The following ST8SIA6 variants were observed in gnomAD, a reference collection of about 807,000 sequenced individuals.
ST8SIA6 encodes the protein ST8 alpha-N-acetyl-neuraminide alpha-2,8-sialyltransferase 6, also known as alpha-2,8-sialyltransferase 8F.
In ST8SIA6, 39 loss-of-function variants were observed where a neutral mutation model predicts 33.6. The ratio of observed to expected loss-of-function variants is 1.16; its 90% CI spans 0.90 to 1.52. The LOEUF (loss-of-function observed/expected upper bound fraction) is 1.52. ST8SIA6 is among the 40% of genes most tolerant of loss of function. The pLI is 0.00. For synonymous variants in ST8SIA6, 172 were observed against 167.2 expected (o/e 1.03, Z -0.22); for missense variants, 441 against 443.8 (o/e 0.99, Z 0.06).
rs1029841843 is a variant in ST8SIA6 at position 17,316,059 on chromosome 10, T to C, written c.*4819A>G. Among the ~76,000 whole-genome samples, 1 of 152,024 alleles carries C rather than the reference T, an allele frequency of 6.6e-6. No homozygotes were observed. The highest frequency in any genetic ancestry group is 1.5e-5 in the Non-Finnish European group (1 of 67,906). On this transcript the variant is annotated 3_prime_UTR_variant, in exon 8 of 8. Coordinates refer to ENST00000377602, the MANE Select transcript of ST8SIA6 (RefSeq NM_001004470.3). ...TCAGCTTCTATATTTATTTATGTAG[T>C]AGTAAGAATATCATATGTGAGTATA...
At chr10:17,333,715 ATATTTTTTT>A (rs1185729357) in intron 4 of ST8SIA6, among the ~76,000 whole-genome samples, 3 of 35,414 alleles carry the variant, frequency 8.5e-5, no homozygotes, top group African/African-American at 4.4e-4. Context: ...ATATATATAT[ATATTTTTTT>A]TTTTTTTTTT....
rs1215583729 is a variant in ST8SIA6, at chr10:17,331,551, C to T, written c.379G>A (p.Ala127Thr). The T allele has an allele frequency of 1.9e-6, 3 of 1,603,410 alleles. No homozygotes were observed. Among genetic ancestry groups the T allele is most frequent in the East Asian group, 2.2e-5 (1 of 44,568 alleles). The change falls in exon 5 of 8, where the codon GCC becomes ACC. Residue 127 changes from alanine to threonine, a missense_variant and splice_region_variant. Ala to Thr is a moderately conservative substitution (Grantham distance 58). Transcript: ENST00000377602. ...GCATCACAGCAGGAAGCAAGTTTGG[C>T]TCTGCAAAGGAAAAGGATGAAAAGG... ...RQAEEYANFRAKLASCCDAVQ... is the reference protein window; with the variant it reads ...RQAEEYANFRTKLASCCDAVQ...
At chr10:17,378,982 T>C (rs926694256) in intron 3 of ST8SIA6, among the ~76,000 whole-genome samples, 38 of 151,956 alleles carry the variant, frequency 2.5e-4, no homozygotes, top group Admixed American at 1.0e-3. Flanking sequence ...AAAAATTAGC[T>C]GGGCGTGGTG....
At chr10:17,360,493 G>A (rs943293756) in intron 3 of ST8SIA6, among the ~76,000 whole-genome samples, 17 of 142,822 alleles carry the variant, frequency 1.2e-4, no homozygotes, top group Admixed American at 7.5e-5. Context: ...AAGTCTTCTT[G>A]AAAGAAAATT....
chr10:17,363,323 T>G (rs1431204314), intron 3 of ST8SIA6, among the ~76,000 whole-genome samples: 1 of 152,084 alleles, frequency 6.6e-6, no homozygotes, highest in Non-Finnish European at 1.5e-5. Context: ...GTTAAACTAC[T>G]ACCCCCTTTT....
chr10:17,428,625 C>CCGGCTAGGTAGAAGAGGAGG, intron 2 of ST8SIA6, among the ~76,000 whole-genome samples: 1 of 151,940 alleles, frequency 6.6e-6, no homozygotes, highest in South Asian at 2.1e-4. Context: ...AGCTAAGCAG[C>CCGGCTAGGTAGAAGAGGAGG]CGGCTAGGTA....
chr10:17,359,433 T>A (rs1015320757), intron 4 of ST8SIA6, 81 bp downstream of exon 4: 27 of 1,155,168 alleles, frequency 2.3e-5, no homozygotes, highest in Non-Finnish European at 3.0e-5. Flanking sequence ...CTTCTCTTTT[T>A]AATAACATAT....
intron 4 of ST8SIA6, among the ~76,000 whole-genome samples, chr10:17,335,001 T>G: frequency 6.6e-6 from 1 of 152,246 alleles, no homozygotes; most frequent in African/African-American, 2.4e-5. Flanking sequence ...TATGTTTTAA[T>G]GTAAATCTAT....
intron 5 of ST8SIA6, among the ~76,000 whole-genome samples, chr10:17,330,801 C>T (rs1342040810): frequency 6.6e-6 from 1 of 152,090 alleles, no homozygotes; most frequent in Admixed American, 6.6e-5. Context: ...TGTGGGTTTG[C>T]ATTAAGGGTC....
At chr10:17,341,900 C>CAAAAAAAAAAA (rs71393004) in intron 4 of ST8SIA6, among the ~76,000 whole-genome samples, 5 of 73,156 alleles carry the variant, frequency 6.8e-5, no homozygotes, top group Admixed American at 2.0e-4. Context: ...GGCTCCATCT[C>CAAAAAAAAAAA]AAAAAAAAAA....
chr10:17,351,317 C>A (rs1480888837), intron 4 of ST8SIA6, among the ~76,000 whole-genome samples: 1 of 151,420 alleles, frequency 6.6e-6, no homozygotes, highest in Admixed American at 6.6e-5. Context: ...AGTGATGACA[C>A]CTTGGAAAAT....
rs185966032 is a variant in ST8SIA6, at chr10:17,316,515, T to G, written c.*4363A>C. On this transcript the variant is annotated 3_prime_UTR_variant, in exon 8 of 8. Transcript: ENST00000377602. The stretch of plus-strand genomic sequence containing the variant: ...GTGGATCAGAACAGGTCCTCTTGGC[T>G]GTATATGCAAAAGTGCAATTACTGG... 8.1e-4 allele frequency among the ~76,000 whole-genome samples: 124 copies of G among 152,244 alleles called. No homozygotes were observed. The highest frequency in any genetic ancestry group is 2.7e-3 in the African/African-American group (113 of 41,564).
chr10:17,401,793 G>A (rs1851051659), intron 2 of ST8SIA6, among the ~76,000 whole-genome samples: 1 of 152,128 alleles, frequency 6.6e-6, no homozygotes, highest in African/African-American at 2.4e-5. Context: ...AGATGGATTA[G>A]AGACTTCAAT....
intron 3 of ST8SIA6, among the ~76,000 whole-genome samples, chr10:17,388,809 T>C (rs904165762): frequency 4.6e-5 from 7 of 152,184 alleles, no homozygotes; most frequent in African/African-American, 1.4e-4. Context: ...AAATTGATAA[T>C]AGCGCTTTCC....
intron 4 of ST8SIA6, among the ~76,000 whole-genome samples, chr10:17,353,480 CATAA>C (rs1259355378): frequency 1.3e-5 from 2 of 152,056 alleles, no homozygotes; most frequent in Non-Finnish European, 2.9e-5. Flanking sequence ...CTTCAAAGAA[CATAA>C]ATAAAAATGA....
At chr10:17,412,885 C>A (rs1213598014) in intron 2 of ST8SIA6, among the ~76,000 whole-genome samples, 1 of 151,936 alleles carries the variant, frequency 6.6e-6, no homozygotes, top group African/African-American at 2.4e-5. Flanking sequence ...AATGGATATC[C>A]CAAGTATACT....
intron 3 of ST8SIA6, among the ~76,000 whole-genome samples, chr10:17,361,475 C>T (rs1849386729): frequency 6.7e-6 from 1 of 149,852 alleles, no homozygotes; most frequent in African/African-American, 2.5e-5. Flanking sequence ...AGTCCTATAG[C>T]CATTAATAAT....
intron 2 of ST8SIA6, among the ~76,000 whole-genome samples, chr10:17,420,595 T>C (rs935999325): frequency 1.3e-5 from 2 of 152,098 alleles, no homozygotes; most frequent in Non-Finnish European, 1.5e-5. Context: ...AGATAGTTGA[T>C]AACACCTGTA....
intron 2 of ST8SIA6, among the ~76,000 whole-genome samples, chr10:17,418,616 T>C (rs1851673451): frequency 6.6e-6 from 1 of 152,216 alleles, no homozygotes; most frequent in South Asian, 2.1e-4. Flanking sequence ...TTCTCCTTGC[T>C]TCCCTCCAAA....
Sources: allele counts gnomAD v4.1 joint callset (sites outside exome capture counted in the v4.1 genomes callset), GRCh38; gene constraint gnomAD v4.1.1; transcripts MANE v1.5; gene names NCBI Gene and HGNC (gene_info 2026-07-23, HGNC 2026-07-21).